Variants in CORIN observed in about 807,000 individuals in gnomAD.
CORIN encodes the protein atrial natriuretic peptide-converting enzyme.
In CORIN, 117 loss-of-function variants were observed where a neutral mutation model predicts 125.3. The observed-to-expected ratio is 0.93, with a 90% CI of 0.80 to 1.09. The LOEUF (loss-of-function observed/expected upper bound fraction) is 1.09. Among genes scored for constraint, CORIN ranks in the 50% least tolerant of loss-of-function variants. The pLI is 0.00. For missense variants in CORIN, 1,253 were observed against 1,306.7 expected, an observed-to-expected ratio of 0.96 and a Z score of 0.63; for synonymous variants, 450 against 466.4, an observed-to-expected ratio of 0.96 and a Z score of 0.45.
intron 1 of CORIN, among the ~76,000 whole-genome samples, chr4:47,807,756 G>A (rs1488305116): frequency 2.6e-5 from 4 of 152,160 alleles, no homozygotes; most frequent in African/African-American, 9.7e-5. Flanking sequence ...ATTTTGCTTA[G>A]TTCAATCTCT....
At chr4:47,814,110 G>A (rs1430743510) in intron 1 of CORIN, among the ~76,000 whole-genome samples, 2 of 152,076 alleles carry the variant, frequency 1.3e-5, no homozygotes, top group Non-Finnish European at 2.9e-5. Flanking sequence ...TAATTCTTTA[G>A]GTAGGAAGAT....
At chr4:47,720,857 G>C (rs1727311838) in intron 5 of CORIN, among the ~76,000 whole-genome samples, 1 of 152,036 alleles carries the variant, frequency 6.6e-6, no homozygotes, top group South Asian at 2.1e-4. Flanking sequence ...GAAGTCCTAG[G>C]TCTTTGAAAC....
chr4:47,705,312 C>T (rs1352715389), intron 5 of CORIN, among the ~76,000 whole-genome samples: 2 of 152,146 alleles, frequency 1.3e-5, no homozygotes, highest in South Asian at 2.1e-4. Context: ...TTATGGTTTA[C>T]GTCTTCATAA....
intron 3 of CORIN, among the ~76,000 whole-genome samples, chr4:47,781,428 T>G (rs1730539337): frequency 6.6e-6 from 1 of 152,240 alleles, no homozygotes; most frequent in African/African-American, 2.4e-5. Context: ...ATACACGAGC[T>G]GTCCAATATG....
chr4:47,819,028 G>A (rs1193448175), intron 1 of CORIN, among the ~76,000 whole-genome samples: 1 of 152,130 alleles, frequency 6.6e-6, no homozygotes, highest in East Asian at 1.9e-4. Flanking sequence ...TATTATAGGT[G>A]AGTACATAAG....
At chr4:47,803,468 A>G (rs1731633374) in intron 2 of CORIN, among the ~76,000 whole-genome samples, 1 of 152,270 alleles carries the variant, frequency 6.6e-6, no homozygotes, top group African/African-American at 2.4e-5. Flanking sequence ...CTACAGAGCT[A>G]TAGTAAACAA....
intron 1 of CORIN, among the ~76,000 whole-genome samples, chr4:47,823,776 C>T (rs1732621254): frequency 6.6e-6 from 1 of 152,202 alleles, no homozygotes; most frequent in Non-Finnish European, 1.5e-5. Context: ...CATGTCCCAG[C>T]CCCAGCTGCC....
At position 47,710,392 on chromosome 4, in the gene CORIN, C is replaced by T. The variant is rs183502480; in HGVS notation, c.800-17309G>A. On this transcript the variant is annotated intron_variant, in intron 5 of 21. Coordinates refer to ENST00000273857, the MANE Select transcript of CORIN (RefSeq NM_006587.4). ...AATCTTTAAAGAGCTCTAATAATTCCTTGATAAATGCTTTATTGCAATGTT... is the reference window on the plus strand; with the variant it reads ...AATCTTTAAAGAGCTCTAATAATTCTTTGATAAATGCTTTATTGCAATGTT... 6.4e-3 allele frequency among the ~76,000 whole-genome samples: 968 copies of T among 152,318 alleles called. 16 individuals are homozygous for T. Among genetic ancestry groups the T allele is most frequent in the African/African-American group, 0.021 (879 of 41,566 alleles).
chr4:47,613,110 C>G (rs1721932506), intron 19 of CORIN, among the ~76,000 whole-genome samples: 1 of 152,168 alleles, frequency 6.6e-6, no homozygotes, highest in Non-Finnish European at 1.5e-5. Flanking sequence ...CAAATAGTTG[C>G]AGTATGCAAG....
chr4:47,628,231 T>C (rs1346201911), intron 16 of CORIN, among the ~76,000 whole-genome samples: 1 of 152,178 alleles, frequency 6.6e-6, no homozygotes, highest in Non-Finnish European at 1.5e-5. Context: ...AGTGAATTTG[T>C]TTGGTTGTAT....
In CORIN at chr4:47,744,496, C is replaced by T. The variant is rs755107174; in HGVS notation, c.705G>A (p.Pro235=). 1.9e-6 allele frequency: 3 copies of T among 1,613,844 alleles called. No homozygotes were observed. In the South Asian group the frequency reaches 3.3e-5, roughly 18 times the overall value. Residue 235 remains proline (P), a synonymous_variant, in exon 5 of 22, where the codon CCG becomes CCA. Coordinates refer to ENST00000273857, the MANE Select transcript of CORIN (RefSeq NM_006587.4). ...SVLGMVNYSW[P]DFLRCSQFRN... is the part of the protein sequence containing the mutation. ...TAAACTGGGAGCATCTGAGGAAATC[C>T]GGCCAGGAGTAATTCACCATCCCCA...
chr4:47,738,931 T>C (rs1728256650), intron 5 of CORIN, among the ~76,000 whole-genome samples: 1 of 151,738 alleles, frequency 6.6e-6, no homozygotes, highest in South Asian at 2.1e-4. Flanking sequence ...AAATTAAAAA[T>C]TTACTAGAAA....
chr4:47,775,403 G>A (rs1325019461), intron 3 of CORIN, among the ~76,000 whole-genome samples: 1 of 151,960 alleles, frequency 6.6e-6, no homozygotes, highest in Non-Finnish European at 1.5e-5. Context: ...CGTGTGTGAT[G>A]TTCCCCATCC....
intron 5 of CORIN, chr4:47,706,796 A>G (rs1364940081): frequency 1.9e-6 from 3 of 1,597,978 alleles, no homozygotes; most frequent in Admixed American, 3.3e-5. Context: ...CCATAAAGCT[A>G]TCAGAAGAAA....
chr4:47,741,177 A>G (rs1370747996), intron 5 of CORIN, among the ~76,000 whole-genome samples: 1 of 152,040 alleles, frequency 6.6e-6, no homozygotes, highest in East Asian at 1.9e-4. Flanking sequence ...TTTGAAGATT[A>G]TATAGCTTAA....
chr4:47,635,704 G>A (rs1379137299), intron 16 of CORIN, among the ~76,000 whole-genome samples: 2 of 152,166 alleles, frequency 1.3e-5, no homozygotes, highest in Non-Finnish European at 2.9e-5. Context: ...AAGAAAAGAA[G>A]ACCAAAGGCT....
At chr4:47,830,536 C>T (rs542946206) in intron 1 of CORIN, among the ~76,000 whole-genome samples, 1 of 152,276 alleles carries the variant, frequency 6.6e-6, no homozygotes, top group African/African-American at 2.4e-5. Context: ...GTGCATGAAT[C>T]CCTGTTTTGT....
chr4:47,663,818 G>T (rs1724354162), intron 11 of CORIN, among the ~76,000 whole-genome samples: 1 of 152,118 alleles, frequency 6.6e-6, no homozygotes, highest in African/African-American at 2.4e-5. Flanking sequence ...TTTTATTAGA[G>T]ATACTTTTAA....
chr4:47,764,766 A>G (rs1490825846), intron 3 of CORIN, among the ~76,000 whole-genome samples: 1 of 152,224 alleles, frequency 6.6e-6, no homozygotes, highest in East Asian at 1.9e-4. Flanking sequence ...TGAAAGGAAG[A>G]GGCTAAAAAG....
Sources: allele counts gnomAD v4.1 joint callset (sites outside exome capture counted in the v4.1 genomes callset), GRCh38; gene constraint gnomAD v4.1.1; transcripts MANE v1.5; gene names NCBI Gene and HGNC (gene_info 2026-07-23, HGNC 2026-07-21).